The following KCTD8 variants were observed in gnomAD, a reference collection of about 807,000 sequenced individuals.
KCTD8 encodes potassium channel tetramerization domain containing 8, also known as BTB/POZ domain-containing protein KCTD8.
A neutral mutation model predicts 31.5 loss-of-function variants in KCTD8; 27 were observed. The observed-to-expected ratio is 0.86, with a 90% CI of 0.63 to 1.18. The LOEUF (loss-of-function observed/expected upper bound fraction) is 1.18, where lower values mean the gene tolerates loss of function less well. KCTD8 is among the 50% of genes most tolerant of loss of function. The pLI is 0.00. For synonymous variants in KCTD8, 290 were observed against 280.0 expected (o/e 1.04, Z -0.36); for missense variants, 658 against 647.7 (o/e 1.02, Z -0.17).
chr4:44,350,719 T>A (rs1235699553), intron 1 of KCTD8, among the ~76,000 whole-genome samples: 1 of 152,184 alleles, frequency 6.6e-6, no homozygotes, highest in Non-Finnish European at 1.5e-5. Flanking sequence ...AACCACTAAT[T>A]TATGAAATGC....
chr4:44,366,213 A>G (rs1719630325), intron 1 of KCTD8, among the ~76,000 whole-genome samples: 1 of 152,170 alleles, frequency 6.6e-6, no homozygotes, highest in African/African-American at 2.4e-5. Context: ...ACGGAGGCTT[A>G]TATGTGGGGA....
At chr4:44,377,227 C>T (rs1188625769) in intron 1 of KCTD8, among the ~76,000 whole-genome samples, 2 of 152,116 alleles carry the variant, frequency 1.3e-5, no homozygotes, top group Non-Finnish European at 2.9e-5. Context: ...ATACTCTGGC[C>T]AGCCCCACTT....
chr4:44,190,775 G>A (rs1226236557), intron 1 of KCTD8, among the ~76,000 whole-genome samples: 1 of 152,124 alleles, frequency 6.6e-6, no homozygotes, highest in Non-Finnish European at 1.5e-5. Context: ...GAGCTGAAAG[G>A]GAATCCTAAC....
chr4:44,305,911 C>A (rs1237060048), intron 1 of KCTD8, among the ~76,000 whole-genome samples: 12 of 151,762 alleles, frequency 7.9e-5, no homozygotes, highest in African/African-American at 2.4e-4. Flanking sequence ...TAATTAATAA[C>A]AATTTTATAA....
At chr4:44,362,929 A>G (rs553124539) in intron 1 of KCTD8, among the ~76,000 whole-genome samples, 2 of 152,220 alleles carry the variant, frequency 1.3e-5, no homozygotes, top group South Asian at 4.1e-4. Context: ...TACTTAATCC[A>G]TCTGCTTTAT....
intron 1 of KCTD8, among the ~76,000 whole-genome samples, chr4:44,397,772 G>T (rs1397346866): frequency 6.6e-6 from 1 of 152,092 alleles, no homozygotes; most frequent in East Asian, 1.9e-4. Flanking sequence ...TTGCTAATGT[G>T]TTGAAACTAA....
intron 1 of KCTD8, among the ~76,000 whole-genome samples, chr4:44,378,250 T>TAA (rs1046591513): frequency 4.1e-5 from 6 of 147,488 alleles, no homozygotes; most frequent in African/African-American, 1.5e-4. Context: ...TATATATATA[T>TAA]ATATATATCT....
chr4:44,431,558 C>T (rs1407375921), intron 1 of KCTD8, among the ~76,000 whole-genome samples: 1 of 151,378 alleles, frequency 6.6e-6, no homozygotes, highest in East Asian at 1.9e-4. Flanking sequence ...TGCTGAGCTT[C>T]ATAAAAAAAT....
chr4:44,399,483 G>T (rs1474050258), intron 1 of KCTD8, among the ~76,000 whole-genome samples: 1 of 152,120 alleles, frequency 6.6e-6, no homozygotes, highest in Non-Finnish European at 1.5e-5. Flanking sequence ...GGCGGAAAAG[G>T]GTGAGATCTA....
intron 1 of KCTD8, among the ~76,000 whole-genome samples, chr4:44,205,638 A>C (rs1251094357): frequency 6.6e-6 from 1 of 152,252 alleles, no homozygotes; most frequent in African/African-American, 2.4e-5. Context: ...AATTTCTATA[A>C]GATAAGTTAC....
intron 1 of KCTD8, among the ~76,000 whole-genome samples, chr4:44,272,028 T>G (rs912428326): frequency 2.0e-5 from 3 of 151,726 alleles, no homozygotes; most frequent in African/African-American, 7.3e-5. Flanking sequence ...AGTACCTATA[T>G]CTCAGGGAGT....
At chr4:44,435,071 C>A (rs565454662) in intron 1 of KCTD8, among the ~76,000 whole-genome samples, 3 of 152,052 alleles carry the variant, frequency 2.0e-5, no homozygotes, top group East Asian at 3.9e-4. Context: ...TTGTATCTTA[C>A]CTAAATTATG....
rs75909174 is a variant in KCTD8, at chr4:44,375,559, A to T, written c.961+72004T>A. ...CTTCCACAGTAGCCAAATGCTAGTA[A>T]TTATAGGATCTGTATCTTCAGATTC... On this transcript the variant is annotated intron_variant, in intron 1 of 1. Coordinates refer to ENST00000360029, the MANE Select transcript of KCTD8 (RefSeq NM_198353.3). Among the ~76,000 whole-genome samples, 1,402 of 152,206 alleles carry T rather than the reference A, an allele frequency of 9.2e-3. 22 individuals carry two copies. Among genetic ancestry groups the T allele is most frequent in the African/African-American group, 0.033 (1,352 of 41,524 alleles).
At chr4:44,377,979 T>C (rs954649547) in intron 1 of KCTD8, among the ~76,000 whole-genome samples, 6 of 152,062 alleles carry the variant, frequency 3.9e-5, no homozygotes, top group Non-Finnish European at 7.4e-5. Context: ...GCACAGATAT[T>C]TGCTTTCCTC....
intron 1 of KCTD8, among the ~76,000 whole-genome samples, chr4:44,227,273 C>T (rs560779178): frequency 6.6e-6 from 1 of 152,228 alleles, no homozygotes; most frequent in South Asian, 2.1e-4. Context: ...GCCAGTTTTC[C>T]CAGCACCATT....
rs187085301 is a variant in KCTD8 at position 44,313,448 on chromosome 4, T to C, written c.961+134115A>G. ...CCTATACTCTTTAATAAAACTGCTC[T>C]TGAATTTTCTATTTTATTTATTTTG... On this transcript the variant is annotated intron_variant, in intron 1 of 1. Transcript: ENST00000360029. Among the ~76,000 whole-genome samples, 51 of 152,330 alleles carry C rather than the reference T, an allele frequency of 3.3e-4. No homozygotes were observed. The East Asian group carries it at 7.1e-3, about 21-fold the overall frequency.
rs770782940 is a variant in KCTD8, at chr4:44,423,452, T to C, written c.961+24111A>G. The stretch of plus-strand genomic sequence containing the variant: ...AAGATATCAGAGAAACAAGAGCTTC[T>C]TGGCAGTTCATTAACTGACACAGCT... On this transcript the variant is annotated intron_variant, in intron 1 of 1. Transcript: ENST00000360029. 3.3e-5 allele frequency among the ~76,000 whole-genome samples: 5 copies of C among 152,140 alleles called. No homozygotes were observed. In the East Asian group the frequency reaches 9.7e-4, roughly 29 times the overall value.
intron 1 of KCTD8, among the ~76,000 whole-genome samples, chr4:44,266,858 T>C (rs1481849158): frequency 6.6e-6 from 1 of 151,926 alleles, no homozygotes; most frequent in Non-Finnish European, 1.5e-5. Context: ...CCTAAATATA[T>C]AGGCACCCAA....
At chr4:44,199,964 A>C (rs1714082464) in intron 1 of KCTD8, among the ~76,000 whole-genome samples, 1 of 151,986 alleles carries the variant, frequency 6.6e-6, no homozygotes, top group Non-Finnish European at 1.5e-5. Flanking sequence ...AGAAATCATG[A>C]AGATGACATT....
Sources: allele counts gnomAD v4.1 joint callset (sites outside exome capture counted in the v4.1 genomes callset), GRCh38; gene constraint gnomAD v4.1.1; transcripts MANE v1.5; gene names NCBI Gene and HGNC (gene_info 2026-07-23, HGNC 2026-07-21).